The following ANK3 variants were observed in gnomAD, a reference collection of about 807,000 sequenced individuals.
The protein encoded by ANK3 is ankyrin 3.
A neutral mutation model predicts 370.9 loss-of-function variants in ANK3; 57 were observed. That is an observed-to-expected ratio of 0.15 (90% confidence interval 0.12 to 0.19). The LOEUF (loss-of-function observed/expected upper bound fraction) is 0.19. Among genes scored for constraint, ANK3 ranks in the 10% least tolerant of loss-of-function variants. The pLI is 1.00. For missense variants in ANK3, 4,439 were observed against 5,302.1 expected (o/e 0.84, Z 5.06); for synonymous variants, 1,929 against 1,946.3 (o/e 0.99, Z 0.23).
intron 18 of ANK3, among the ~76,000 whole-genome samples, chr10:60,175,513 C>T (rs2095907237): frequency 6.6e-6 from 1 of 152,198 alleles, no homozygotes; most frequent in Non-Finnish European, 1.5e-5. Flanking sequence ...ACCTCTTTGT[C>T]ATAGCTGCCT....
At chr10:60,100,747 T>C (rs2091117778) in intron 28 of ANK3, among the ~76,000 whole-genome samples, 1 of 152,216 alleles carries the variant, frequency 6.6e-6, no homozygotes. Context: ...TTTTAAATAA[T>C]GGCATAATTC....
intron 27 of ANK3, among the ~76,000 whole-genome samples, chr10:60,106,415 T>C (rs1420419556): frequency 2.6e-5 from 4 of 152,130 alleles, no homozygotes; most frequent in Non-Finnish European, 4.4e-5. Context: ...AGGTATATTA[T>C]ACAAATGCTA....
chr10:60,373,335 G>A (rs960161584), intron 1 of ANK3, among the ~76,000 whole-genome samples: 24 of 152,210 alleles, frequency 1.6e-4, no homozygotes, highest in African/African-American at 5.5e-4. Flanking sequence ...AGTCAAAGTT[G>A]GAAATAATCA....
At chr10:60,406,884 A>G (rs1229417422) in intron 2 of ANK3, among the ~76,000 whole-genome samples, 1 of 152,030 alleles carries the variant, frequency 6.6e-6, no homozygotes, top group African/African-American at 2.4e-5. Context: ...CTCATTCACC[A>G]TTTTTTGCCA....
intron 2 of ANK3, among the ~76,000 whole-genome samples, chr10:60,592,656 C>A (rs552451174): frequency 6.6e-6 from 1 of 152,040 alleles, no homozygotes; most frequent in Non-Finnish European, 1.5e-5. Flanking sequence ...CCCAGCTACT[C>A]GGGAGGCTGA....
intron 1 of ANK3, among the ~76,000 whole-genome samples, chr10:60,367,200 G>T (rs1212727396): frequency 6.6e-6 from 1 of 152,204 alleles, no homozygotes; most frequent in Non-Finnish European, 1.5e-5. Context: ...GGCACAGACT[G>T]CCTTACATAA....
At chr10:60,440,858 CAT>C (rs1324065580) in intron 2 of ANK3, among the ~76,000 whole-genome samples, 1 of 152,128 alleles carries the variant, frequency 6.6e-6, no homozygotes, top group Non-Finnish European at 1.5e-5. Context: ...TGTGAGGTGG[CAT>C]ATAGCCTCAA....
intron 21 of ANK3, among the ~76,000 whole-genome samples, chr10:60,170,486 T>G (rs1362683322): frequency 2.0e-5 from 3 of 152,220 alleles, no homozygotes; most frequent in East Asian, 3.8e-4. Context: ...CAGCTTGAGA[T>G]AATGTACCAA....
chr10:60,521,965 G>A (rs1053187865), intron 2 of ANK3, among the ~76,000 whole-genome samples: 1 of 152,072 alleles, frequency 6.6e-6, no homozygotes, highest in African/African-American at 2.4e-5. Flanking sequence ...GGGATGGAGG[G>A]GAGACTAGGT....
At chr10:60,140,532 G>T in intron 23 of ANK3, 1 of 1,447,354 alleles carries the variant, frequency 6.9e-7, no homozygotes, top group East Asian at 2.5e-5. Context: ...TATCCTCGTA[G>T]GCAATTGAGG....
chr10:60,109,119 A>T, intron 26 of ANK3, 65 bp from the exon 27 acceptor site: 2 of 1,280,978 alleles, frequency 1.6e-6, no homozygotes, highest in Non-Finnish European at 2.2e-6. Flanking sequence ...GCAAGTTTGG[A>T]AATTAAATGT....
intron 1 of ANK3, among the ~76,000 whole-genome samples, chr10:60,631,859 C>T (rs575556918): frequency 5.3e-5 from 8 of 152,114 alleles, no homozygotes; most frequent in African/African-American, 1.7e-4. Context: ...TAATACAAGT[C>T]GAATTTTTTT....
intron 38 of ANK3, among the ~76,000 whole-genome samples, chr10:60,066,277 T>C (rs1219617816): frequency 6.6e-6 from 1 of 152,190 alleles, no homozygotes; most frequent in Non-Finnish European, 1.5e-5. Context: ...CGTCTGGCTA[T>C]TAAGCCACAT....
rs1196476571 is a variant in ANK3 at position 60,073,638 on chromosome 10, G to A, written c.7243C>T (p.Pro2415Ser). 1.9e-6 allele frequency: 3 copies of A among 1,613,952 alleles called. No homozygotes were observed. ...SYLESSRVNT[P>S]VSQEEDSRPS... ...CGGCTATCTTCTTCTTGGGACACAG[G>A]AGTGTTTACTCTGGAAGACTCCAGA... The change falls in exon 37 of 44, where the codon CCT (proline) becomes TCT (serine). Residue 2415 changes from proline to serine, a missense_variant. Physicochemically the swap from Pro to Ser is moderately conservative, Grantham distance 74. This residue lies in a region of ANK3 where 1,601 missense variants were observed against 1,731.7 expected (regional missense o/e 0.92). Coordinates refer to ENST00000280772, the MANE Select transcript of ANK3 (RefSeq NM_020987.5).
chr10:60,387,761 T>C (rs748587841), intron 1 of ANK3, among the ~76,000 whole-genome samples: 14 of 152,198 alleles, frequency 9.2e-5, no homozygotes, highest in Non-Finnish European at 1.8e-4. Context: ...TACAGCTCAT[T>C]GAGTCCAGAA....
At chr10:60,659,097 A>C (rs974896690) in intron 1 of ANK3, among the ~76,000 whole-genome samples, 2 of 152,180 alleles carry the variant, frequency 1.3e-5, no homozygotes, top group East Asian at 3.9e-4. Context: ...AATGAATTGT[A>C]GCCCTAAATA....
At chr10:60,048,976 A>G (rs1487393804) in intron 42 of ANK3, among the ~76,000 whole-genome samples, 1 of 152,210 alleles carries the variant, frequency 6.6e-6, no homozygotes, top group Non-Finnish European at 1.5e-5. Flanking sequence ...ACCATATACT[A>G]TTATAGTCCT....
chr10:60,549,170 CACACAT>C (rs907217728), intron 2 of ANK3, among the ~76,000 whole-genome samples: 1 of 151,240 alleles, frequency 6.6e-6, no homozygotes, highest in Non-Finnish European at 1.5e-5. Flanking sequence ...CACACACACA[CACACAT>C]ACCATCATGT....
intron 42 of ANK3, chr10:60,053,831 T>C: frequency 1.1e-6 from 1 of 909,906 alleles, no homozygotes. Context: ...CGATACATCC[T>C]AAACATCTTT....
Sources: allele counts gnomAD v4.1 joint callset (sites outside exome capture counted in the v4.1 genomes callset), GRCh38; gene constraint gnomAD v4.1.1; regional missense constraint gnomAD v4.1.1; transcripts MANE v1.5; gene names NCBI Gene and HGNC (gene_info 2026-07-23, HGNC 2026-07-21).